The following ELOVL5 variants were observed in gnomAD, a reference collection of about 807,000 sequenced individuals.
The protein encoded by ELOVL5 is ELOVL fatty acid elongase 5.
In ELOVL5, 8 loss-of-function variants were observed where a neutral mutation model predicts 38.6. The ratio of observed to expected loss-of-function variants is 0.21; its 90% CI spans 0.12 to 0.37. The LOEUF is 0.37. Ranked by LOEUF, ELOVL5 falls within the 10% of genes least tolerant of loss-of-function variation. ELOVL5 has a pLI of 1.00. For synonymous variants in ELOVL5, 127 were observed against 133.7 expected, an observed-to-expected ratio of 0.95 and a Z score of 0.34; for missense variants, 280 against 367.8, an observed-to-expected ratio of 0.76 and a Z score of 1.95.
intron 1 of ELOVL5, among the ~76,000 whole-genome samples, chr6:53,329,181 A>AACT (rs898773205): frequency 1.8e-4 from 25 of 135,838 alleles, no homozygotes; most frequent in South Asian, 1.2e-3. Context: ...AAGTATAACT[A>AACT]ACTACTACTA....
intron 1 of ELOVL5, among the ~76,000 whole-genome samples, chr6:53,332,332 A>C (rs1768839961): frequency 6.6e-6 from 1 of 152,216 alleles, no homozygotes; most frequent in Admixed American, 6.5e-5. Flanking sequence ...GGTAGGCATA[A>C]AAACTGAGTT....
chr6:53,316,464 A>G (rs1373309669), intron 1 of ELOVL5, among the ~76,000 whole-genome samples: 11 of 152,140 alleles, frequency 7.2e-5, no homozygotes. Flanking sequence ...CAGAGATGAA[A>G]AAGTGAAAAA....
chr6:53,326,177 T>A (rs949827533), intron 1 of ELOVL5, among the ~76,000 whole-genome samples: 6 of 152,248 alleles, frequency 3.9e-5, no homozygotes, highest in Non-Finnish European at 7.4e-5. Flanking sequence ...GTCTTGAGCA[T>A]CTTATAAATA....
intron 1 of ELOVL5, among the ~76,000 whole-genome samples, chr6:53,314,214 G>A (rs1289388454): frequency 6.6e-6 from 1 of 152,154 alleles, no homozygotes; most frequent in African/African-American, 2.4e-5. Context: ...TATTCCGACT[G>A]GCTAATATGA....
At chr6:53,348,366 C>T (rs1769667516) in intron 1 of ELOVL5, among the ~76,000 whole-genome samples, 1 of 151,062 alleles carries the variant, frequency 6.6e-6, no homozygotes, top group South Asian at 2.1e-4. Flanking sequence ...TTCGCCGACT[C>T]CAAAGAAAGC....
At chr6:53,305,160 C>A (rs1581955651) in intron 1 of ELOVL5, among the ~76,000 whole-genome samples, 2 of 149,552 alleles carry the variant, frequency 1.3e-5, no homozygotes, top group East Asian at 4.0e-4. Context: ...GGGGCTGACC[C>A]CCCCACCTCC....
At chr6:53,342,527 T>A (rs992731640) in intron 1 of ELOVL5, among the ~76,000 whole-genome samples, 12 of 152,162 alleles carry the variant, frequency 7.9e-5, no homozygotes, top group African/African-American at 2.9e-4. Context: ...GATGAAATTG[T>A]TGACATGAGG....
At chr6:53,297,549 A>G (rs1336491174) in intron 1 of ELOVL5, among the ~76,000 whole-genome samples, 1 of 152,190 alleles carries the variant, frequency 6.6e-6, no homozygotes, top group Admixed American at 6.5e-5. Context: ...CTGGGTTATC[A>G]GATCAACTGC....
intron 1 of ELOVL5, among the ~76,000 whole-genome samples, chr6:53,301,795 GC>G (rs1767264287): frequency 6.6e-6 from 1 of 152,106 alleles, no homozygotes; most frequent in Non-Finnish European, 1.5e-5. Context: ...TTAAAAAGCC[GC>G]TTCCCATTAT....
chr6:53,336,469 G>A (rs921274265), intron 1 of ELOVL5, among the ~76,000 whole-genome samples: 1 of 152,192 alleles, frequency 6.6e-6, no homozygotes, highest in Non-Finnish European at 1.5e-5. Flanking sequence ...AGACCAGCCT[G>A]GGCAACACGG....
rs550741687 is a variant in ELOVL5 at position 53,344,607 on chromosome 6, A to C, written c.-9+4210T>G. Among the ~76,000 whole-genome samples, 15 of 152,246 alleles carry C rather than the reference A, an allele frequency of 9.9e-5. No individual in the cohort carries two copies. The South Asian group carries it at 3.1e-3, about 32-fold the overall frequency. ...GTGTCTAAACTCTGGGCCTTTTTCC[A>C]CCTGTAAAATGGGAATGCTGTAGCA... On this transcript the variant is annotated intron_variant, in intron 1 of 7. Transcript: ENST00000304434.
At chr6:53,346,227 CA>C (rs1428908662) in intron 1 of ELOVL5, among the ~76,000 whole-genome samples, 1 of 152,142 alleles carries the variant, frequency 6.6e-6, no homozygotes, top group Admixed American at 6.5e-5. Context: ...CATGTCCCTG[CA>C]AAAGACACGA....
intron 1 of ELOVL5, among the ~76,000 whole-genome samples, chr6:53,326,040 C>A (rs1186452130): frequency 3.3e-5 from 5 of 152,082 alleles, no homozygotes; most frequent in Non-Finnish European, 2.9e-5. Context: ...CTAGGAGGCA[C>A]AATGGTTGGT....
At chr6:53,341,124 G>A (rs531428107) in intron 1 of ELOVL5, among the ~76,000 whole-genome samples, 1 of 152,198 alleles carries the variant, frequency 6.6e-6, no homozygotes, top group African/African-American at 2.4e-5. Context: ...CAGTGTGTAC[G>A]CTTCTGATTT....
Position 53,268,732 on chromosome 6 carries a change from A to G in ELOVL5, c.*395T>C, listed in dbSNP as rs887875254. The G allele has an allele frequency of 3.8e-5, 6 of 155,858 alleles. No individual in the cohort carries two copies. The highest frequency in any genetic ancestry group is 2.1e-4 in the South Asian group (1 of 4,864). 9.7% of individuals were successfully genotyped at this position (155,858 alleles called of 1,614,324 possible). A position where few individuals can be genotyped will look rare whatever the true frequency, so the allele number is the denominator to read the frequency against. On this transcript the variant is annotated 3_prime_UTR_variant, in exon 8 of 8. Coordinates refer to ENST00000304434, the MANE Select transcript of ELOVL5 (RefSeq NM_021814.5). ...TTTAAGGCATGTGTGTTTCTCTACC[A>G]TAACAACATTGTACAAATTTACATT...
chr6:53,294,076 C>T, intron 2 of ELOVL5: 2 of 1,349,590 alleles, frequency 1.5e-6, no homozygotes, highest in South Asian at 4.0e-5. Context: ...TAAATACACA[C>T]AAATCTCCCT....
intron 6 of ELOVL5, 147 bp downstream of exon 6, chr6:53,273,072 TA>T (rs1371353678): frequency 1.2e-6 from 1 of 834,236 alleles, no homozygotes; most frequent in Non-Finnish European, 1.9e-6. Flanking sequence ...GAAAATTCCC[TA>T]ATCTACCCAC....
At chr6:53,330,801 ATTAAT>A (rs1768766644) in intron 1 of ELOVL5, among the ~76,000 whole-genome samples, 1 of 152,026 alleles carries the variant, frequency 6.6e-6, no homozygotes, top group South Asian at 2.1e-4. Flanking sequence ...GCTTTTTTCT[ATTAAT>A]TTTTCTTTTA....
chr6:53,322,294 G>A (rs1261142185), intron 1 of ELOVL5, among the ~76,000 whole-genome samples: 1 of 152,160 alleles, frequency 6.6e-6, no homozygotes, highest in African/African-American at 2.4e-5. Context: ...TTAAGAACTT[G>A]AAGTAAGAAG....
Sources: gnomAD v4.1 joint callset for allele counts (sites outside exome capture counted in the v4.1 genomes callset) on GRCh38, gnomAD v4.1.1 for gene constraint, MANE v1.5 for transcripts, NCBI Gene and HGNC (gene_info 2026-07-23, HGNC 2026-07-21) for gene names.